The following MMS22L variants were observed in gnomAD, a reference collection of about 807,000 sequenced individuals.
MMS22L encodes MMS22 like, DNA repair protein.
MMS22L carries 74 observed loss-of-function variants against 159.1 expected under a neutral mutation model. The observed-to-expected ratio is 0.47, with a 90% confidence interval of 0.39 to 0.56. MMS22L has a LOEUF of 0.56. Ranked by LOEUF, MMS22L falls within the 20% of genes least tolerant of loss-of-function variation. The pLI, the probability that MMS22L is intolerant of heterozygous loss-of-function variation, is 0.00. For missense variants in MMS22L, 1,351 were observed against 1,422.1 expected (o/e 0.95, Z 0.80); for synonymous variants, 517 against 506.9 (o/e 1.02, Z -0.27).
chr6:97,179,368 A>G (rs1336004645), intron 17 of MMS22L, 40 bp downstream of exon 17: 1 of 1,565,262 alleles, frequency 6.4e-7, no homozygotes, highest in South Asian at 1.2e-5. Flanking sequence ...AGCTTTCCAT[A>G]GATACCCCCA....
intron 8 of MMS22L, chr6:97,265,679 A>T (rs1325683931): frequency 6.6e-6 from 1 of 152,076 alleles, no homozygotes; most frequent in Admixed American, 6.5e-5. Context: ...CAACCCAATT[A>T]CAAAATTGGC....
At position 97,231,406 on chromosome 6, in the gene MMS22L, A is replaced by C; in HGVS notation, c.1529+20T>G. 4 of 1,550,746 alleles carry C rather than the reference A, an allele frequency of 2.6e-6. No individual in the cohort carries two copies. The highest frequency in any genetic ancestry group is 3.6e-6 in the Non-Finnish European group (4 of 1,123,764). Reference sequence around the variant, plus strand: ...CCAAAGATATCAGTGCACACTCATGACAGAAGATACTGCATATACCTTCCT... The same window carrying C: ...CCAAAGATATCAGTGCACACTCATGCCAGAAGATACTGCATATACCTTCCT... On this transcript the variant is annotated intron_variant, in intron 13 of 24. Coordinates refer to ENST00000683635, the MANE Select transcript of MMS22L (RefSeq NM_001350599.2).
chr6:97,166,963 A>G (rs1803019620), intron 20 of MMS22L, among the ~76,000 whole-genome samples: 1 of 152,162 alleles, frequency 6.6e-6, no homozygotes, highest in South Asian at 2.1e-4. Flanking sequence ...AAAACTTCTC[A>G]GGAATCTTAA....
At chr6:97,235,041 G>A (rs1005105560) in intron 11 of MMS22L, among the ~76,000 whole-genome samples, 1 of 152,126 alleles carries the variant, frequency 6.6e-6, no homozygotes, top group Non-Finnish European at 1.5e-5. Context: ...AAAAGAGTAA[G>A]CACAGAAGTG....
Position 97,254,568 on chromosome 6 carries a change from G to C in MMS22L, c.1108C>G (p.Pro370Ala). Reference sequence around the variant, plus strand: ...AAATGAAGTCTTACCATTTCATCTGGTACTCCATGGCGATCAAACTTGTAA... The same window carrying C: ...AAATGAAGTCTTACCATTTCATCTGCTACTCCATGGCGATCAAACTTGTAA... ...SFYKFDRHGV[P>A]DEMRKVESNW... Residue 370 changes from proline (P) to alanine (A), a missense_variant, in exon 10 of 25, where the codon CCA becomes GCA. Coordinates refer to ENST00000683635, the MANE Select transcript of MMS22L (RefSeq NM_001350599.2). 1 of 1,612,614 alleles carries C rather than the reference G, an allele frequency of 6.2e-7. No homozygotes were observed. Among genetic ancestry groups the C allele is most frequent in the African/African-American group, 1.3e-5 (1 of 74,940 alleles).
In MMS22L at chr6:97,153,406, C is replaced by G. The variant is rs192229013; in HGVS notation, c.3386-1539G>C. Among the ~76,000 whole-genome samples the G allele has an allele frequency of 8.2e-3, 991 of 121,516 alleles. 29 individuals carry two copies. The highest frequency in any genetic ancestry group is 0.078 in the Admixed American group (792 of 10,142). 79.7% of individuals were successfully genotyped at this position (121,516 alleles called of 152,430 possible). A position where few individuals can be genotyped will look rare whatever the true frequency, so the allele number is the denominator to read the frequency against. ...TTTTTTTTTGAGACGGACTCTCCCT[C>G]TGTTGCCCAGGCTGGAGTGCAGTGG... is the stretch of plus-strand genomic sequence containing the variant. On this transcript the variant is annotated intron_variant, in intron 22 of 24. Coordinates refer to ENST00000683635, the MANE Select transcript of MMS22L (RefSeq NM_001350599.2).
At position 97,173,216 on chromosome 6, in the gene MMS22L, C is replaced by G; in HGVS notation, c.2686G>C (p.Gly896Arg). 6.2e-7 allele frequency: 1 copy of G among 1,610,904 alleles called. No homozygotes were observed. The highest frequency in any genetic ancestry group is 8.5e-7 in the Non-Finnish European group (1 of 1,179,162). ...GTCTGGACGTTCCCGTAAGTTACAC[C>G]AACAGCCTATAAATAAAGAAAAACA... ...KALVRFFEAV[G>R]VTYGNVQTLS... The change falls in exon 19 of 25, where the codon GGT becomes CGT. Residue 896 changes from glycine (G) to arginine (R), a missense_variant. Transcript: ENST00000683635.
intron 23 of MMS22L, among the ~76,000 whole-genome samples, 188 bp from the exon 24 acceptor site, chr6:97,150,208 G>T (rs1451136512): frequency 6.6e-6 from 1 of 152,160 alleles, no homozygotes; most frequent in African/African-American, 2.4e-5. Flanking sequence ...GCTTATTTAA[G>T]TTGAGCCATG....
chr6:97,266,751 A>G (rs902489193), intron 8 of MMS22L: 2 of 152,246 alleles, frequency 1.3e-5, no homozygotes, highest in Non-Finnish European at 2.9e-5. Flanking sequence ...CAGAAAGACA[A>G]GTAACACATA....
At chr6:97,270,794 GA>G (rs2128090160) in intron 6 of MMS22L, 1 of 152,190 alleles carries the variant, frequency 6.6e-6, no homozygotes, top group South Asian at 2.1e-4. Flanking sequence ...AAATCGATGG[GA>G]AAAGTATGGG....
intron 14 of MMS22L, among the ~76,000 whole-genome samples, chr6:97,225,767 T>C (rs1176372435): frequency 6.6e-6 from 1 of 151,800 alleles, no homozygotes; most frequent in Non-Finnish European, 1.5e-5. Context: ...AGAGACGGGG[T>C]TTCACCCTGT....
At position 97,168,179 on chromosome 6, in the gene MMS22L, G is replaced by A. The variant is rs1414388864; in HGVS notation, c.2901C>T (p.Phe967=). The change falls in exon 20 of 25, where the codon TTC becomes TTT. Residue 967 remains phenylalanine (F), a synonymous_variant. Coordinates refer to ENST00000683635, the MANE Select transcript of MMS22L (RefSeq NM_001350599.2). ...GCAGCAGTAAACAATCTATGATCCG[G>A]AATAGTAATTTTTGGGCTTTAGAAG... ...FATSKAQKLL[F]RIIDCLLLPH... 1.2e-6 allele frequency: 2 copies of A among 1,613,120 alleles called. No individual in the cohort carries two copies. The highest frequency in any genetic ancestry group is 1.7e-5 in the Admixed American group (1 of 59,902).
intron 22 of MMS22L, among the ~76,000 whole-genome samples, chr6:97,152,549 A>G (rs1801416334): frequency 6.6e-6 from 1 of 152,148 alleles, no homozygotes; most frequent in South Asian, 2.1e-4. Context: ...CACATTAAAT[A>G]TAAGAAACCA....
intron 18 of MMS22L, among the ~76,000 whole-genome samples, chr6:97,174,663 T>C (rs1236997983): frequency 6.6e-6 from 1 of 152,108 alleles, no homozygotes; most frequent in Non-Finnish European, 1.5e-5. Flanking sequence ...ATGATGGTAG[T>C]CAATGAGCTT....
chr6:97,186,814 A>G, intron 14 of MMS22L, 124 bp from the exon 15 acceptor site: 1 of 602,168 alleles, frequency 1.7e-6, no homozygotes, highest in Non-Finnish European at 2.6e-6. Context: ...TAAAACCTTT[A>G]TGCCAAGACA....
At chr6:97,193,961 C>T (rs1438846362) in intron 14 of MMS22L, among the ~76,000 whole-genome samples, 2 of 151,978 alleles carry the variant, frequency 1.3e-5, no homozygotes, top group Non-Finnish European at 2.9e-5. Context: ...CGGGGTTTCA[C>T]CGTGTTAGCC....
At chr6:97,273,968 CTAA>C (rs930363643) in intron 4 of MMS22L, among the ~76,000 whole-genome samples, 5 of 152,124 alleles carry the variant, frequency 3.3e-5, no homozygotes, top group African/African-American at 9.7e-5. Flanking sequence ...ATCAAAACTC[CTAA>C]TAATAATTTA....
chr6:97,187,715 T>C (rs1251427323), intron 14 of MMS22L, among the ~76,000 whole-genome samples: 1 of 152,142 alleles, frequency 6.6e-6, no homozygotes, highest in Non-Finnish European at 1.5e-5. Context: ...TTTTAAACAG[T>C]TTAGGGGAAG....
In MMS22L at chr6:97,281,084, C is replaced by T. The variant is rs141321710; in HGVS notation, c.290+153G>A. Reference sequence around the variant, plus strand: ...TAAAACCATTACTCATCAGGCATTGCTGCTTGATTATTGTTACTGGTAAGA... The same window carrying T: ...TAAAACCATTACTCATCAGGCATTGTTGCTTGATTATTGTTACTGGTAAGA... On this transcript the variant is annotated intron_variant, in intron 3 of 24. Transcript: ENST00000683635. Among the ~76,000 whole-genome samples, 38 of 152,352 alleles carry T rather than the reference C, an allele frequency of 2.5e-4. 2 individuals are homozygous for T. The East Asian group carries it at 6.6e-3, about 26-fold the overall frequency.
Sources: gnomAD v4.1 joint callset for allele counts (sites outside exome capture counted in the v4.1 genomes callset) on GRCh38, gnomAD v4.1.1 for gene constraint, MANE v1.5 for transcripts, NCBI Gene and HGNC (gene_info 2026-07-23, HGNC 2026-07-21) for gene names.